Variants in HEMK2 observed in about 807,000 individuals in gnomAD.
HEMK2 encodes the protein HemK methyltransferase 2, ETF1 glutamine and histone H4 lysine.
chr21:28,849,028 G>C, the HEMK2 span, among the ~76,000 whole-genome samples: 1 of 152,168 alleles, frequency 6.6e-6, no homozygotes. Context: ...CCCAGCTGCT[G>C]GCATGTGTGA....
the HEMK2 span, chr21:28,885,223 G>T: frequency 1.9e-6 from 3 of 1,578,558 alleles, no homozygotes; most frequent in South Asian, 3.4e-5. Flanking sequence ...CTGCCAGTTC[G>T]GCAGCCGCTG....
the HEMK2 span, among the ~76,000 whole-genome samples, chr21:28,664,329 A>G: frequency 6.6e-6 from 1 of 152,222 alleles, no homozygotes; most frequent in Middle Eastern, 3.2e-3. Context: ...AAATATATGT[A>G]CATGCATTGT....
the HEMK2 span, among the ~76,000 whole-genome samples, chr21:28,835,076 C>A: frequency 7.2e-5 from 11 of 152,128 alleles, no homozygotes; most frequent in African/African-American, 1.2e-4. Flanking sequence ...TCACGGAAGA[C>A]AAAGGGCATA....
chr21:28,858,221 A>T, the HEMK2 span, among the ~76,000 whole-genome samples: 5 of 152,146 alleles, frequency 3.3e-5, no homozygotes, highest in African/African-American at 1.2e-4. Context: ...CTAGTCTACA[A>T]TCTGTCAACT....
the HEMK2 span, among the ~76,000 whole-genome samples, chr21:28,732,095 A>G: frequency 0.55 from 83,380 of 151,860 alleles, 26,026 homozygotes; most frequent in African/African-American, 0.85. Context: ...TCTAGGACGC[A>G]GGCTAAATCA....
At chr21:28,885,337 C>T in the HEMK2 span, 1 of 1,576,390 alleles carries the variant, frequency 6.3e-7, no homozygotes, top group Non-Finnish European at 8.7e-7. Context: ...CGAAGTTCTC[C>T]CCTGCCATAG....
chr21:28,775,372 T>C, the HEMK2 span, among the ~76,000 whole-genome samples: 32 of 152,272 alleles, frequency 2.1e-4, no homozygotes, highest in African/African-American at 7.2e-4. Flanking sequence ...CTGCAGAACA[T>C]TCAGGAAAAC....
chr21:28,706,977 A>G, the HEMK2 span, among the ~76,000 whole-genome samples: 1 of 152,198 alleles, frequency 6.6e-6, no homozygotes, highest in Non-Finnish European at 1.5e-5. Flanking sequence ...TAATGTACAC[A>G]AAGAAGGTGG....
At chr21:28,864,904 G>T in the HEMK2 span, among the ~76,000 whole-genome samples, 1 of 107,822 alleles carries the variant, frequency 9.3e-6, no homozygotes. Context: ...GATAGATATA[G>T]ATAGATGATA....
the HEMK2 span, among the ~76,000 whole-genome samples, chr21:28,733,727 G>GT: frequency 6.9e-3 from 1,000 of 145,640 alleles, 13 homozygotes; most frequent in African/African-American, 8.5e-3. Flanking sequence ...CAAGCCACTG[G>GT]TTTTTTTTTT....
the HEMK2 span, among the ~76,000 whole-genome samples, chr21:28,819,646 A>C: frequency 6.8e-6 from 1 of 147,528 alleles, no homozygotes; most frequent in Non-Finnish European, 1.5e-5. Context: ...TCCCAGGTTC[A>C]AGCGATTCTC....
At chr21:28,610,425 C>T in the HEMK2 span, among the ~76,000 whole-genome samples, 2 of 152,012 alleles carry the variant, frequency 1.3e-5, no homozygotes, top group Non-Finnish European at 2.9e-5. Context: ...CAAACGAATC[C>T]TTGACATACA....
At chr21:28,877,377 G>T in the HEMK2 span, among the ~76,000 whole-genome samples, 1 of 131,556 alleles carries the variant, frequency 7.6e-6, no homozygotes, top group South Asian at 2.7e-4. Flanking sequence ...AGAAGGGAAG[G>T]GAAGAAAGAA....
At chr21:28,806,320 T>C in the HEMK2 span, among the ~76,000 whole-genome samples, 1 of 152,216 alleles carries the variant, frequency 6.6e-6, no homozygotes, top group South Asian at 2.1e-4. Flanking sequence ...TGCTGGTTCA[T>C]GTAAAATGTC....
At chr21:28,695,223 A>G in the HEMK2 span, among the ~76,000 whole-genome samples, 1 of 152,194 alleles carries the variant, frequency 6.6e-6, no homozygotes, top group Non-Finnish European at 1.5e-5. Context: ...TCAGACTGCT[A>G]CAACAAAATA....
the HEMK2 span, among the ~76,000 whole-genome samples, chr21:28,814,738 C>G: frequency 6.6e-6 from 1 of 152,050 alleles, no homozygotes; most frequent in Non-Finnish European, 1.5e-5. Context: ...ACAACAGGTG[C>G]TGGAGAGGAT....
chr21:28,744,519 G>C, the HEMK2 span, among the ~76,000 whole-genome samples: 5 of 152,156 alleles, frequency 3.3e-5, no homozygotes, highest in Admixed American at 1.3e-4. Context: ...AAAGGCATAA[G>C]AGGCAACTCA....
chr21:28,851,187 AGGGCCTT>A, the HEMK2 span, among the ~76,000 whole-genome samples: 2 of 152,190 alleles, frequency 1.3e-5, no homozygotes, highest in Non-Finnish European at 2.9e-5. Flanking sequence ...AGAAGATGGC[AGGGCCTT>A]ACTCCAAATC....
chr21:28,872,504 C>A, the HEMK2 span: 1 of 152,244 alleles, frequency 6.6e-6, no homozygotes, highest in Admixed American at 6.5e-5. Context: ...CTCCAGGAAC[C>A]CTTCTCTATT....
Sources: allele counts gnomAD v4.1 joint callset (sites outside exome capture counted in the v4.1 genomes callset), GRCh38; gene constraint gnomAD v4.1.1; transcripts MANE v1.5; gene names NCBI Gene and HGNC (gene_info 2026-07-23, HGNC 2026-07-21).